The following ITSN2 variants were observed in gnomAD, a reference collection of about 807,000 sequenced individuals.
ITSN2 encodes intersectin-2.
In ITSN2, 156 loss-of-function variants were observed where a neutral mutation model predicts 243.7. That is an observed-to-expected ratio of 0.64 (90% CI 0.56 to 0.73). The LOEUF (loss-of-function observed/expected upper bound fraction) is 0.73, where lower values mean the gene tolerates loss of function less well. Among genes scored for constraint, ITSN2 ranks in the 30% least tolerant of loss-of-function variants. ITSN2 has a pLI of 0.00. For synonymous variants in ITSN2, 703 were observed against 699.9 expected, an observed-to-expected ratio of 1.00 and a Z score of -0.07; for missense variants, 1,801 against 1,996.1, an observed-to-expected ratio of 0.90 and a Z score of 1.86.
In ITSN2 at chr2:24,212,664, G is replaced by C; in HGVS notation, c.4075C>G (p.Leu1359Val). The C allele has an allele frequency of 6.2e-7, 1 of 1,611,482 alleles. No individual in the cohort carries two copies. The highest frequency in any genetic ancestry group is 8.5e-7 in the Non-Finnish European group (1 of 1,178,820). The change falls in exon 33 of 40, where the codon CTG becomes GTG. Residue 1359 changes from leucine (L) to valine (V), a missense_variant. Coordinates refer to ENST00000355123, the MANE Select transcript of ITSN2 (RefSeq NM_006277.3). ...TGCACACTCACACTTCTGATGAGCA[G>C]TGGGTAGCGGGTGATCCTCTGCATG... is the stretch of plus-strand genomic sequence containing the variant. Reference protein sequence around the residue: ...KPMQRITRYPLLIRSILENTP... With the variant: ...KPMQRITRYPVLIRSILENTP...
Position 24,301,803 on chromosome 2 carries a change from G to A in ITSN2, c.995+162C>T, listed in dbSNP as rs113192901. Reference sequence around the variant, plus strand: ...GGCTCCCAGTGTTATGATTACAGGCGTAAGCTGCCACGCCTGGCCCACACC... The same window carrying A: ...GGCTCCCAGTGTTATGATTACAGGCATAAGCTGCCACGCCTGGCCCACACC... On this transcript the variant is annotated intron_variant, in intron 10 of 39. Transcript: ENST00000355123. 9.6e-4 allele frequency among the ~76,000 whole-genome samples: 146 copies of A among 152,250 alleles called. 1 individual carries two copies. The highest frequency in any genetic ancestry group is 3.4e-3 in the Middle Eastern group (1 of 294).
chr2:24,221,032 C>T lies in ITSN2; in HGVS notation c.3612G>A (p.Gln1204=), dbSNP rs779084476. The part of the protein sequence containing the change: ...CADLQTLDTM[Q]PIERKRQGYI... Reference sequence around the variant, plus strand: ...AGCCCTGTCTTTTCCTCTCAATTGGCTGCATTGTGTCCAGGGTTTGCAGAT... The same window carrying T: ...AGCCCTGTCTTTTCCTCTCAATTGGTTGCATTGTGTCCAGGGTTTGCAGAT... Residue 1204 remains glutamine, a synonymous_variant, in exon 30 of 40, where the codon CAG becomes CAA. Transcript: ENST00000355123. 1 of 1,609,064 alleles carries T rather than the reference C, an allele frequency of 6.2e-7. No homozygotes were observed.
At chr2:24,247,579 G>C (rs1181607511) in intron 27 of ITSN2, among the ~76,000 whole-genome samples, 1 of 152,118 alleles carries the variant, frequency 6.6e-6, no homozygotes, top group Non-Finnish European at 1.5e-5. Context: ...CTCAGCATTA[G>C]CCTTTCAAGT....
intron 29 of ITSN2, among the ~76,000 whole-genome samples, chr2:24,227,379 G>C (rs980008748): frequency 6.7e-6 from 1 of 149,346 alleles, no homozygotes; most frequent in African/African-American, 2.5e-5. Flanking sequence ...TATGACAGTA[G>C]AACAAAAATA....
chr2:24,275,168 ATGAG>A (rs1272340469), intron 18 of ITSN2, among the ~76,000 whole-genome samples: 37 of 152,240 alleles, frequency 2.4e-4, no homozygotes, highest in Non-Finnish European at 4.7e-4. Context: ...GATGGAATGA[ATGAG>A]TGTTTACTAT....
intron 1 of ITSN2, among the ~76,000 whole-genome samples, chr2:24,343,181 T>C (rs765351595): frequency 1.3e-5 from 2 of 151,658 alleles, no homozygotes; most frequent in South Asian, 2.1e-4. Flanking sequence ...GCCTAGCTGA[T>C]ACAAATGTCA....
chr2:24,295,650 A>G lies in ITSN2; in HGVS notation c.1635+14T>C. On this transcript the variant is annotated intron_variant, in intron 14 of 39. Transcript: ENST00000355123. ...TGTACATGTTTAAGAACAATTTAGC[A>G]GTGAAGGACTTACCTGAAGTTCCTG... 2.0e-6 allele frequency: 3 copies of G among 1,508,764 alleles called. No homozygotes were observed. Among genetic ancestry groups the G allele is most frequent in the Non-Finnish European group, 2.6e-6 (3 of 1,137,134 alleles). 93.5% of individuals were successfully genotyped at this position (1,508,764 alleles called of 1,614,324 possible). A position where few individuals can be genotyped will look rare whatever the true frequency, so the allele number is the denominator to read the frequency against.
At position 24,220,926 on chromosome 2, in the gene ITSN2, C is replaced by CCAG; in HGVS notation, c.3699+16_3699+18dup. On this transcript the variant is annotated intron_variant, in intron 30 of 39. Coordinates refer to ENST00000355123, the MANE Select transcript of ITSN2 (RefSeq NM_006277.3). Reference sequence around the variant, plus strand: ...AGACAGCAGATACCCCGAGAGCTAGCCAGCAGCAGCCTCCTCACCTCGACG... The same window carrying CCAG: ...AGACAGCAGATACCCCGAGAGCTAGCCAGCAGCAGCAGCCTCCTCACCTCGACG... 1 of 1,586,188 alleles carries CCAG rather than the reference C, an allele frequency of 6.3e-7. No individual in the cohort carries two copies. The highest frequency in any genetic ancestry group is 8.6e-7 in the Non-Finnish European group (1 of 1,168,162).
intron 18 of ITSN2, among the ~76,000 whole-genome samples, chr2:24,272,465 T>C (rs1339253017): frequency 1.4e-5 from 2 of 146,768 alleles, no homozygotes; most frequent in Middle Eastern, 3.5e-3. Context: ...AGGGTCTTAC[T>C]CTATGGCCCA....
intron 28 of ITSN2, 99 bp downstream of exon 28, chr2:24,246,698 C>T (rs1484719890): frequency 2.6e-6 from 2 of 758,560 alleles, no homozygotes; most frequent in Admixed American, 5.2e-5. Context: ...AAGGAAAGAA[C>T]ACATTTTTAA....
rs754098157 is a variant in ITSN2, at chr2:24,293,738, T to C, written c.1673A>G (p.Lys558Arg). 2 of 1,230,146 alleles carry C rather than the reference T, an allele frequency of 1.6e-6. No homozygotes were observed. The highest frequency in any genetic ancestry group is 1.4e-5 in the South Asian group (1 of 70,082). The allele number at this position is 1,230,146 out of a possible 1,614,324, so 76.2% of individuals were successfully genotyped here. The change falls in exon 15 of 40, where the codon AAG becomes AGG. Residue 558 changes from lysine (K) to arginine (R), a missense_variant. Around this residue, in one of 5 missense-constraint regions of ITSN2, gnomAD observed 787 missense variants for 803.9 expected, o/e 0.98. Transcript: ENST00000355123. ...TTTAATTCTTTCATTTAATAATTGC[T>C]TCTCAGGTACCAGATAGATAAGCTT... ...QNKLIYLVPE[K>R]QLLNERIKNM...
At chr2:24,266,399 T>C (rs1159654181) in intron 20 of ITSN2, among the ~76,000 whole-genome samples, 1 of 152,158 alleles carries the variant, frequency 6.6e-6, no homozygotes, top group Non-Finnish European at 1.5e-5. Flanking sequence ...AAATGGATTA[T>C]TAGGGCAACT....
At chr2:24,337,333 T>TATATATATATATATATATAC in intron 1 of ITSN2, among the ~76,000 whole-genome samples, 1 of 107,786 alleles carries the variant, frequency 9.3e-6, no homozygotes, top group Non-Finnish European at 1.9e-5. Context: ...TATATATATA[T>TATATATATATATATATATAC]ATATATATAT....
chr2:24,295,751 CT>C lies in ITSN2; in HGVS notation c.1547del (p.Lys516SerfsTer46). ...SGRLQDVRLK[K>X]QTQKTELEVL... ...CTTCCAGCTCAGTCTTTTGAGTTTG[CT>C]TTTTGAGTCGGACATCCTGAAGTCT... On this transcript the variant is annotated frameshift_variant, in exon 14 of 40. Coordinates refer to ENST00000355123, the MANE Select transcript of ITSN2 (RefSeq NM_006277.3). LOFTEE classifies it high-confidence loss of function. The C allele has an allele frequency of 6.4e-7, 1 of 1,565,116 alleles. No homozygotes were observed. The highest frequency in any genetic ancestry group is 8.6e-7 in the Non-Finnish European group (1 of 1,161,704).
At chr2:24,354,998 C>T (rs1011429441) in intron 1 of ITSN2, among the ~76,000 whole-genome samples, 33 of 152,122 alleles carry the variant, frequency 2.2e-4, no homozygotes, top group African/African-American at 8.0e-4. Context: ...AATATGCTGC[C>T]CTCTTGGAGC....
chr2:24,329,186 C>G (rs1446906821), intron 1 of ITSN2, among the ~76,000 whole-genome samples: 1 of 152,144 alleles, frequency 6.6e-6, no homozygotes, highest in Non-Finnish European at 1.5e-5. Flanking sequence ...CATTTTGAAC[C>G]CTGAATTCAT....
rs546267998 is a variant in ITSN2 at position 24,284,999 on chromosome 2, C to T, written c.1864-156G>A. 4.8e-5 allele frequency among the ~76,000 whole-genome samples: 7 copies of T among 144,744 alleles called. 1 individual carries two copies. The highest frequency in any genetic ancestry group is 4.4e-4 in the South Asian group (2 of 4,516). The allele number at this position is 144,744 out of a possible 152,430, so 95.0% of individuals were successfully genotyped here. ...GCAACCTCCACCTCCCGGGTTCAAGCGATTCTCCTGCCTCAGCCTCCCGAG... is the reference window on the plus strand; with the variant it reads ...GCAACCTCCACCTCCCGGGTTCAAGTGATTCTCCTGCCTCAGCCTCCCGAG... On this transcript the variant is annotated intron_variant, in intron 16 of 39. Coordinates refer to ENST00000355123, the MANE Select transcript of ITSN2 (RefSeq NM_006277.3).
At chr2:24,235,924 G>A (rs1672103546) in intron 29 of ITSN2, among the ~76,000 whole-genome samples, 1 of 152,166 alleles carries the variant, frequency 6.6e-6, no homozygotes, top group Non-Finnish European at 1.5e-5. Flanking sequence ...ATAGAAAATG[G>A]TGCAGCCAGT....
At chr2:24,251,328 A>AAAAAAAAAAAAAAAT (rs1358585681) in intron 25 of ITSN2, among the ~76,000 whole-genome samples, 1 of 6,990 alleles carries the variant, frequency 1.4e-4, no homozygotes, top group African/African-American at 4.5e-4. Context: ...AAAAAAATAA[A>AAAAAAAAAAAAAAAT]ATATATATAT....
Sources: allele counts gnomAD v4.1 joint callset (sites outside exome capture counted in the v4.1 genomes callset), GRCh38; gene constraint gnomAD v4.1.1; regional missense constraint gnomAD v4.1.1; transcripts MANE v1.5; gene names NCBI Gene and HGNC (gene_info 2026-07-23, HGNC 2026-07-21).